Variants in BMPR1B observed in about 807,000 individuals in gnomAD.
BMPR1B encodes the protein bone morphogenetic protein receptor type 1B.
BMPR1B carries 12 observed loss-of-function variants against 59.1 expected under a neutral mutation model. The ratio of observed to expected loss-of-function variants is 0.20; its 90% CI spans 0.13 to 0.33. BMPR1B has a LOEUF of 0.33. BMPR1B is among the 10% of genes least tolerant of loss of function. The pLI is 1.00. For missense variants in BMPR1B, 550 were observed against 610.9 expected, an observed-to-expected ratio of 0.90 and a Z score of 1.05; for synonymous variants, 237 against 207.3, an observed-to-expected ratio of 1.14 and a Z score of -1.23.
At chr4:95,075,890 T>C (rs1366289271) in intron 3 of BMPR1B, among the ~76,000 whole-genome samples, 1 of 152,170 alleles carries the variant, frequency 6.6e-6, no homozygotes, top group Admixed American at 6.6e-5. Flanking sequence ...ACAAGCCTGA[T>C]GTCCATTCTT....
At chr4:94,813,194 GAAAT>G (rs1723886335) in intron 1 of BMPR1B, among the ~76,000 whole-genome samples, 1 of 151,758 alleles carries the variant, frequency 6.6e-6, no homozygotes, top group African/African-American at 2.4e-5. Context: ...GACAATGTAT[GAAAT>G]AAATAAGAAA....
At chr4:94,883,498 C>G (rs1477108033) in intron 2 of BMPR1B, among the ~76,000 whole-genome samples, 1 of 152,042 alleles carries the variant, frequency 6.6e-6, no homozygotes, top group East Asian at 1.9e-4. Context: ...TACACCCTTT[C>G]TCTATTTTAC....
At chr4:94,987,284 G>C (rs78314859) in intron 2 of BMPR1B, among the ~76,000 whole-genome samples, 1 of 144,796 alleles carries the variant, frequency 6.9e-6, no homozygotes, top group Admixed American at 7.1e-5. Context: ...TATATAAAAT[G>C]AATAATGATA....
intron 2 of BMPR1B, among the ~76,000 whole-genome samples, chr4:94,937,174 C>G (rs1015910164): frequency 2.0e-4 from 31 of 152,138 alleles, no homozygotes; most frequent in Non-Finnish European, 4.4e-4. Context: ...ATTTTGTTTG[C>G]ACTTGCTGTT....
chr4:95,029,909 G>A (rs542326117), intron 3 of BMPR1B, among the ~76,000 whole-genome samples: 159 of 152,188 alleles, frequency 1.0e-3, no homozygotes, highest in African/African-American at 3.7e-3. Flanking sequence ...CTGCATAAAT[G>A]TCTTCTTTTG....
intron 1 of BMPR1B, among the ~76,000 whole-genome samples, chr4:94,819,554 C>T (rs1447017278): frequency 6.6e-6 from 1 of 152,174 alleles, no homozygotes. Context: ...CTTTCATCAG[C>T]CCTCTAGTCA....
chr4:95,011,320 G>A (rs888604579), intron 3 of BMPR1B, among the ~76,000 whole-genome samples: 1 of 152,152 alleles, frequency 6.6e-6, no homozygotes, highest in Non-Finnish European at 1.5e-5. Flanking sequence ...AGAACATACA[G>A]TATTTGGTTT....
At chr4:95,129,490 A>G (rs970057773) in intron 8 of BMPR1B, among the ~76,000 whole-genome samples, 2 of 151,874 alleles carry the variant, frequency 1.3e-5, no homozygotes, top group African/African-American at 4.8e-5. Context: ...TTTATACATG[A>G]TTAGGTGTAT....
intron 3 of BMPR1B, among the ~76,000 whole-genome samples, chr4:95,066,142 T>G (rs1388502930): frequency 1.3e-5 from 2 of 152,182 alleles, no homozygotes; most frequent in East Asian, 3.9e-4. Context: ...AAAGATTCTC[T>G]TGGCAGACAA....
chr4:94,939,274 TTTC>T (rs1433689569), intron 2 of BMPR1B, among the ~76,000 whole-genome samples: 1 of 152,170 alleles, frequency 6.6e-6, no homozygotes, highest in East Asian at 1.9e-4. Context: ...TTTCTCCACA[TTTC>T]TTCTTTGCTC....
intron 1 of BMPR1B, among the ~76,000 whole-genome samples, chr4:94,766,262 G>C (rs1310448266): frequency 6.6e-6 from 1 of 152,060 alleles, no homozygotes; most frequent in East Asian, 1.9e-4. Context: ...ATGTTCCTCA[G>C]AACTATGGGA....
rs575740230 is a variant in BMPR1B, at chr4:94,775,349, G to A, written c.-183+17281G>A. ...TGTACAGTTAATTGATCAATTTTAAGGAGAAACTGTTTTCTTGTAAAATGT... is the reference window on the plus strand; with the variant it reads ...TGTACAGTTAATTGATCAATTTTAAAGAGAAACTGTTTTCTTGTAAAATGT... On this transcript the variant is annotated intron_variant, in intron 1 of 12. Coordinates refer to ENST00000515059, the MANE Select transcript of BMPR1B (RefSeq NM_001203.3). 8.0e-4 allele frequency among the ~76,000 whole-genome samples: 122 copies of A among 152,292 alleles called. No individual in the cohort carries two copies. In the Middle Eastern group the frequency reaches 0.014, roughly 17 times the overall value.
intron 2 of BMPR1B, among the ~76,000 whole-genome samples, chr4:94,960,059 C>T (rs1350263120): frequency 1.3e-5 from 2 of 152,084 alleles, no homozygotes; most frequent in East Asian, 1.9e-4. Context: ...AAGACCAACT[C>T]CTTTATCTAA....
chr4:94,965,326 G>A (rs988727181), intron 2 of BMPR1B, among the ~76,000 whole-genome samples: 7 of 151,988 alleles, frequency 4.6e-5, no homozygotes, highest in African/African-American at 1.7e-4. Flanking sequence ...TATTTCTTGT[G>A]TATATCGTTG....
At chr4:94,892,364 C>T (rs560699639) in intron 2 of BMPR1B, among the ~76,000 whole-genome samples, 35 of 152,144 alleles carry the variant, frequency 2.3e-4, no homozygotes, top group South Asian at 1.0e-3. Flanking sequence ...GATTTATATA[C>T]GTGTTAAAGT....
intron 12 of BMPR1B, among the ~76,000 whole-genome samples, chr4:95,153,265 T>C (rs1307811804): frequency 6.6e-6 from 1 of 152,168 alleles, no homozygotes; most frequent in Non-Finnish European, 1.5e-5. Flanking sequence ...CAAATCCACC[T>C]TCAGCTTGGC....
chr4:94,887,434 A>G (rs750082607), intron 2 of BMPR1B, among the ~76,000 whole-genome samples: 4 of 148,786 alleles, frequency 2.7e-5, no homozygotes, highest in Non-Finnish European at 4.5e-5. Flanking sequence ...CAAGAAGCAG[A>G]AGAAAACTGT....
At chr4:95,128,197 A>C (rs970688031) in intron 8 of BMPR1B, among the ~76,000 whole-genome samples, 1 of 152,148 alleles carries the variant, frequency 6.6e-6, no homozygotes, top group Non-Finnish European at 1.5e-5. Context: ...TAATCCCTAG[A>C]ATTTTATGTT....
At chr4:94,761,061 C>CT (rs1721743547) in intron 1 of BMPR1B, among the ~76,000 whole-genome samples, 1 of 152,130 alleles carries the variant, frequency 6.6e-6, no homozygotes, top group Admixed American at 6.5e-5. Flanking sequence ...TGAGACTTTA[C>CT]TTTTTTCACG....
Sources: gnomAD v4.1 joint callset for allele counts (sites outside exome capture counted in the v4.1 genomes callset) on GRCh38, gnomAD v4.1.1 for gene constraint, MANE v1.5 for transcripts, NCBI Gene and HGNC (gene_info 2026-07-23, HGNC 2026-07-21) for gene names.